The following QKI variants were observed in gnomAD, a reference collection of about 807,000 sequenced individuals.
QKI encodes the protein QKI, KH domain containing RNA binding.
Under a neutral mutation model 39.0 loss-of-function variants are expected in QKI, and 10 were observed. The ratio of observed to expected loss-of-function variants is 0.26; its 90% CI spans 0.16 to 0.43. The LOEUF is 0.43. Ranked by LOEUF, QKI falls within the 20% of genes least tolerant of loss-of-function variation. The pLI, the probability that QKI is intolerant of heterozygous loss-of-function variation, is 1.00. For missense variants in QKI, 218 were observed against 428.0 expected (o/e 0.51, Z 4.33); for synonymous variants, 204 against 155.4 (o/e 1.31, Z -2.33).
intron 2 of QKI, among the ~76,000 whole-genome samples, chr6:163,466,037 A>G (rs1226200385): frequency 2.0e-5 from 3 of 151,500 alleles, no homozygotes; most frequent in African/African-American, 7.3e-5. Context: ...AGGCAGGAGA[A>G]TTGCTTGAGC....
chr6:163,541,498 C>CTTTTTTTTTTTTTTTTTTT (rs34303940), intron 4 of QKI, among the ~76,000 whole-genome samples: 1 of 142,422 alleles, frequency 7.0e-6, no homozygotes, highest in Non-Finnish European at 1.5e-5. Flanking sequence ...TATGTCTACC[C>CTTTTTTTTTTTTTTTTTTT]TTTTTTTTTT....
At chr6:163,458,252 T>A (rs1363650817) in intron 2 of QKI, among the ~76,000 whole-genome samples, 1 of 152,206 alleles carries the variant, frequency 6.6e-6, no homozygotes, top group Non-Finnish European at 1.5e-5. Flanking sequence ...AGCAAATTAC[T>A]TTTCATTCCT....
chr6:163,506,796 A>G (rs1351197702), intron 3 of QKI, among the ~76,000 whole-genome samples: 1 of 152,144 alleles, frequency 6.6e-6, no homozygotes, highest in Non-Finnish European at 1.5e-5. Context: ...TAGAATTTTT[A>G]ATATCTCCTA....
intron 3 of QKI, among the ~76,000 whole-genome samples, chr6:163,481,556 TTAAA>T (rs1242232400): frequency 1.3e-5 from 2 of 152,210 alleles, no homozygotes; most frequent in Non-Finnish European, 2.9e-5. Flanking sequence ...AAAAGGTTGG[TTAAA>T]TAAAGAAAAT....
chr6:163,467,404 T>G (rs1791847100), intron 2 of QKI, among the ~76,000 whole-genome samples: 1 of 152,246 alleles, frequency 6.6e-6, no homozygotes, highest in Non-Finnish European at 1.5e-5. Flanking sequence ...CCTGACTGGC[T>G]GTTCTCAGGA....
chr6:163,434,669 C>T (rs184191871), intron 1 of QKI, among the ~76,000 whole-genome samples: 1 of 151,244 alleles, frequency 6.6e-6, no homozygotes, highest in Non-Finnish European at 1.5e-5. Flanking sequence ...GAGCCAGGAT[C>T]GTGCCACTGC....
At chr6:163,471,603 A>G (rs750900906) in intron 2 of QKI, among the ~76,000 whole-genome samples, 1 of 152,146 alleles carries the variant, frequency 6.6e-6, no homozygotes, top group Non-Finnish European at 1.5e-5. Flanking sequence ...TTGATAAGTC[A>G]AGGAAGCATG....
chr6:163,422,243 G>A (rs1376167713), intron 1 of QKI, among the ~76,000 whole-genome samples: 1 of 152,044 alleles, frequency 6.6e-6, no homozygotes, highest in East Asian at 1.9e-4. Flanking sequence ...TTGAAAATCC[G>A]GCAATCCTAT....
At chr6:163,446,908 G>A (rs1217062923) in intron 1 of QKI, among the ~76,000 whole-genome samples, 1 of 152,142 alleles carries the variant, frequency 6.6e-6, no homozygotes, top group Non-Finnish European at 1.5e-5. Flanking sequence ...TAGACCTGGA[G>A]TTCATCTACA....
At chr6:163,465,563 A>C (rs543168837) in intron 2 of QKI, among the ~76,000 whole-genome samples, 2 of 148,270 alleles carry the variant, frequency 1.3e-5, no homozygotes, top group East Asian at 4.2e-4. Context: ...CAAGAGGTGG[A>C]GGTCGCAGTG....
intron 3 of QKI, among the ~76,000 whole-genome samples, chr6:163,510,672 A>G (rs1779391608): frequency 6.6e-6 from 1 of 152,218 alleles, no homozygotes; most frequent in Non-Finnish European, 1.5e-5. Context: ...GACTATATTA[A>G]TATCAGGTAA....
intron 3 of QKI, among the ~76,000 whole-genome samples, chr6:163,504,689 A>G (rs964840414): frequency 6.6e-6 from 1 of 152,178 alleles, no homozygotes; most frequent in Non-Finnish European, 1.5e-5. Flanking sequence ...ATTTTTGTAC[A>G]TTGGTTTTGA....
chr6:163,495,023 C>A (rs373148848), intron 3 of QKI, among the ~76,000 whole-genome samples: 1 of 151,836 alleles, frequency 6.6e-6, no homozygotes, highest in South Asian at 2.1e-4. Flanking sequence ...TCAGGCGATT[C>A]CCTTGCCTCA....
In QKI at chr6:163,570,804, TGTC is replaced by T; in HGVS notation, c.*98_*100del. 1.3e-6 allele frequency: 2 copies of T among 1,523,160 alleles called. No individual in the cohort carries two copies. Among genetic ancestry groups the T allele is most frequent in the Non-Finnish European group, 1.8e-6 (2 of 1,116,358 alleles). 94.4% of individuals were successfully genotyped at this position (1,523,160 alleles called of 1,614,324 possible). ...TAACTGGTAATCGCCTTTGCTTGCCTGTCGTCAGTGCAGCGAGCTGAGGCACTT... is the reference window on the plus strand; with the variant it reads ...TAACTGGTAATCGCCTTTGCTTGCCTGTCAGTGCAGCGAGCTGAGGCACTT... On this transcript the variant is annotated 3_prime_UTR_variant, in exon 8 of 8. Coordinates refer to ENST00000361752, the MANE Select transcript of QKI (RefSeq NM_006775.3).
chr6:163,475,753 G>A (rs1440032731), intron 2 of QKI, among the ~76,000 whole-genome samples: 2 of 152,070 alleles, frequency 1.3e-5, no homozygotes, highest in African/African-American at 2.4e-5. Flanking sequence ...ATGTAAATTC[G>A]AAAGACTTAA....
At chr6:163,549,566 G>C (rs367788542) in intron 4 of QKI, among the ~76,000 whole-genome samples, 1 of 152,202 alleles carries the variant, frequency 6.6e-6, no homozygotes. Context: ...CAAAAAATTA[G>C]TTGGGCATGG....
At chr6:163,531,915 G>A (rs964654098) in intron 3 of QKI, among the ~76,000 whole-genome samples, 2 of 152,162 alleles carry the variant, frequency 1.3e-5, no homozygotes, top group African/African-American at 4.8e-5. Flanking sequence ...TCCTTCAATT[G>A]TTTTTAAAAG....
intron 3 of QKI, among the ~76,000 whole-genome samples, chr6:163,524,943 CTT>C (rs972549682): frequency 2.6e-5 from 4 of 152,270 alleles, no homozygotes; most frequent in Admixed American, 2.6e-4. Flanking sequence ...CTTTATGTCT[CTT>C]TTGTAGATGA....
intron 6 of QKI, chr6:163,565,909 G>T: frequency 6.2e-7 from 1 of 1,612,782 alleles, no homozygotes; most frequent in South Asian, 1.1e-5. Flanking sequence ...AGTCTTCATT[G>T]ATGACTAATT....
Sources: allele counts gnomAD v4.1 joint callset (sites outside exome capture counted in the v4.1 genomes callset), GRCh38; gene constraint gnomAD v4.1.1; transcripts MANE v1.5; gene names NCBI Gene and HGNC (gene_info 2026-07-23, HGNC 2026-07-21).